The following DENND1A variants were observed in gnomAD, a reference collection of about 807,000 sequenced individuals.
DENND1A encodes DENN domain containing 1A, also known as DENN domain-containing protein 1A.
Under a neutral mutation model 113.7 loss-of-function variants are expected in DENND1A, and 51 were observed. That is an observed-to-expected ratio of 0.45 (90% CI 0.36 to 0.57). DENND1A has a LOEUF of 0.57. Ranked by LOEUF, DENND1A falls within the 20% of genes least tolerant of loss-of-function variation. The probability of loss-of-function intolerance (pLI) is 0.00; values close to 1 mark genes in which losing one functional copy is unlikely to be tolerated. For missense variants in DENND1A, 1,258 were observed against 1,395.9 expected, an observed-to-expected ratio of 0.90 and a Z score of 1.57; for synonymous variants, 565 against 570.8, an observed-to-expected ratio of 0.99 and a Z score of 0.14.
intron 1 of DENND1A, among the ~76,000 whole-genome samples, chr9:123,907,473 A>C (rs1853083748): frequency 6.7e-6 from 1 of 148,320 alleles, no homozygotes; most frequent in Non-Finnish European, 1.5e-5. Flanking sequence ...AAATCTCCTT[A>C]AGCTGATAAG....
chr9:123,383,607 C>A, intron 23 of DENND1A, 48 bp downstream of exon 23: 1 of 1,579,884 alleles, frequency 6.3e-7, no homozygotes, highest in Non-Finnish European at 8.6e-7. Flanking sequence ...ACCTCGTGTG[C>A]GGACAGTGCC....
At chr9:123,848,156 T>G (rs979760757) in intron 2 of DENND1A, among the ~76,000 whole-genome samples, 1 of 139,000 alleles carries the variant, frequency 7.2e-6, no homozygotes, top group Non-Finnish European at 1.5e-5. Context: ...TAAATAAACA[T>G]GCAAAAATTT....
At chr9:123,786,108 G>A (rs1832127653) in intron 3 of DENND1A, among the ~76,000 whole-genome samples, 1 of 152,014 alleles carries the variant, frequency 6.6e-6, no homozygotes, top group South Asian at 2.1e-4. Context: ...AGCTACTCGG[G>A]AGGCTGAGAC....
At chr9:123,655,820 C>G (rs1008863533) in intron 8 of DENND1A, among the ~76,000 whole-genome samples, 3 of 152,242 alleles carry the variant, frequency 2.0e-5, no homozygotes, top group African/African-American at 7.2e-5. Context: ...ACTCTCCCAG[C>G]ACTTTGCTTC....
intron 5 of DENND1A, among the ~76,000 whole-genome samples, chr9:123,696,015 G>A (rs2065496845): frequency 6.7e-6 from 1 of 148,616 alleles, no homozygotes; most frequent in African/African-American, 2.5e-5. Flanking sequence ...CCAAAAAACT[G>A]GCACCTTTGT....
intron 23 of DENND1A, among the ~76,000 whole-genome samples, chr9:123,382,987 G>A (rs1266229460): frequency 1.3e-5 from 2 of 152,238 alleles, no homozygotes; most frequent in Admixed American, 6.5e-5. Flanking sequence ...CTCAGGGCCT[G>A]GTAGGAGGCA....
intron 8 of DENND1A, among the ~76,000 whole-genome samples, chr9:123,658,904 G>T (rs1297152008): frequency 6.6e-6 from 1 of 152,126 alleles, no homozygotes; most frequent in East Asian, 1.9e-4. Context: ...GAGAGCCACG[G>T]AGCCAGGGCC....
At chr9:123,604,357 A>G (rs2060057330) in intron 11 of DENND1A, among the ~76,000 whole-genome samples, 2 of 152,214 alleles carry the variant, frequency 1.3e-5, no homozygotes, top group South Asian at 2.1e-4. Context: ...AGCCTACAGC[A>G]TCCCAAATTC....
rs899650120 is a variant in DENND1A at position 123,387,662 on chromosome 9, G to A, written c.1760+68C>T. 5 of 1,268,328 alleles carry A rather than the reference G, an allele frequency of 3.9e-6. No individual in the cohort carries two copies. In the African/African-American group the frequency reaches 6.2e-5, roughly 16 times the overall value. 78.6% of individuals were successfully genotyped at this position (1,268,328 alleles called of 1,614,324 possible). On this transcript the variant is annotated intron_variant, in intron 22 of 23. Transcript: ENST00000394215. ...CAAAGGCAAGCAGCACCAGCCCCCC[G>A]CTTTCGCCATGCAGCCCCGCAGAGT...
intron 13 of DENND1A, among the ~76,000 whole-genome samples, chr9:123,522,130 A>G (rs1161040419): frequency 6.6e-6 from 1 of 152,192 alleles, no homozygotes; most frequent in Non-Finnish European, 1.5e-5. Flanking sequence ...AAATATATAT[A>G]ATAAACCTAC....
At chr9:123,818,551 C>G in intron 2 of DENND1A, among the ~76,000 whole-genome samples, 2 of 148,044 alleles carry the variant, frequency 1.4e-5, no homozygotes, top group Middle Eastern at 6.8e-3. Context: ...CACACACACA[C>G]ACACACACAC....
chr9:123,542,093 T>A (rs1274951962), intron 13 of DENND1A, among the ~76,000 whole-genome samples: 1 of 152,240 alleles, frequency 6.6e-6, no homozygotes, highest in Non-Finnish European at 1.5e-5. Flanking sequence ...TGGTAGCTAA[T>A]AAAACGTCAG....
chr9:123,516,365 T>C (rs2053913428), intron 13 of DENND1A, among the ~76,000 whole-genome samples: 1 of 152,000 alleles, frequency 6.6e-6, no homozygotes, highest in South Asian at 2.1e-4. Flanking sequence ...AAGGAGCTTA[T>C]GTAAATAAAA....
chr9:123,410,711 G>C (rs540264444), intron 20 of DENND1A, among the ~76,000 whole-genome samples: 1 of 152,176 alleles, frequency 6.6e-6, no homozygotes, highest in Non-Finnish European at 1.5e-5. Flanking sequence ...TGCAGGCCCC[G>C]GCCTCTTTGC....
At chr9:123,565,001 T>TTTTTTG in intron 12 of DENND1A, among the ~76,000 whole-genome samples, 1 of 147,288 alleles carries the variant, frequency 6.8e-6, no homozygotes, top group African/African-American at 2.5e-5. Context: ...TTTTTTTTTT[T>TTTTTTG]TTTTCAGATG....
At chr9:123,476,138 C>T (rs554926431) in intron 13 of DENND1A, among the ~76,000 whole-genome samples, 51 of 151,388 alleles carry the variant, frequency 3.4e-4, no homozygotes, top group African/African-American at 1.2e-3. Flanking sequence ...GAGCTGAGAT[C>T]GCACGATTGC....
intron 2 of DENND1A, among the ~76,000 whole-genome samples, chr9:123,818,942 C>A (rs112562532): frequency 3.2e-4 from 48 of 152,188 alleles, no homozygotes; most frequent in African/African-American, 1.1e-3. Flanking sequence ...AAAGTCATAT[C>A]ATAGAACAGA....
At chr9:123,394,943 G>C (rs1263558441) in intron 21 of DENND1A, among the ~76,000 whole-genome samples, 1 of 152,236 alleles carries the variant, frequency 6.6e-6, no homozygotes, top group Non-Finnish European at 1.5e-5. Flanking sequence ...TGGCTGCCCG[G>C]GTGCACATCC....
chr9:123,780,021 T>G (rs966914687), intron 3 of DENND1A, among the ~76,000 whole-genome samples: 8 of 151,976 alleles, frequency 5.3e-5, no homozygotes, highest in Admixed American at 3.3e-4. Context: ...CGCCAGCTAA[T>G]TTTTGTATTT....
Sources: gnomAD v4.1 joint callset for allele counts (sites outside exome capture counted in the v4.1 genomes callset) on GRCh38, gnomAD v4.1.1 for gene constraint, MANE v1.5 for transcripts, NCBI Gene and HGNC (gene_info 2026-07-23, HGNC 2026-07-21) for gene names.